PPM1H: variants seen among roughly 807,000 people sequenced by gnomAD.
The protein encoded by PPM1H is protein phosphatase 1H.
In PPM1H, 27 loss-of-function variants were observed where a neutral mutation model predicts 54.9. The observed-to-expected ratio is 0.49, with a 90% CI of 0.36 to 0.68. The LOEUF is 0.68. PPM1H is among the 30% of genes least tolerant of loss of function. The pLI, the probability that PPM1H is intolerant of heterozygous loss-of-function variation, is 0.00. For synonymous variants in PPM1H, 305 were observed against 270.8 expected (o/e 1.13, Z -1.24); for missense variants, 596 against 667.8 (o/e 0.89, Z 1.19).
At chr12:62,669,933 T>G (rs1392721409) in intron 8 of PPM1H, among the ~76,000 whole-genome samples, 3 of 140,192 alleles carry the variant, frequency 2.1e-5, no homozygotes, top group Non-Finnish European at 3.0e-5. Flanking sequence ...TGAGACCCAG[T>G]CTTTAAAAAA....
At chr12:62,778,457 C>T (rs2076623596) in intron 4 of PPM1H, among the ~76,000 whole-genome samples, 1 of 152,168 alleles carries the variant, frequency 6.6e-6, no homozygotes, top group South Asian at 2.1e-4. Context: ...AGTGCTCCTC[C>T]ACACTCTTGT....
At chr12:62,921,454 A>G (rs1871797524) in intron 1 of PPM1H, among the ~76,000 whole-genome samples, 1 of 152,170 alleles carries the variant, frequency 6.6e-6, no homozygotes. Flanking sequence ...TACACCATGC[A>G]TCCAGCAAGG....
chr12:62,903,867 A>G (rs1565824787), intron 1 of PPM1H, among the ~76,000 whole-genome samples: 1 of 152,200 alleles, frequency 6.6e-6, no homozygotes, highest in Non-Finnish European at 1.5e-5. Context: ...TGAGAAATAG[A>G]AAGGCAGCTG....
chr12:62,742,854 C>T (rs1378506011), intron 4 of PPM1H, among the ~76,000 whole-genome samples: 1 of 152,132 alleles, frequency 6.6e-6, no homozygotes. Context: ...CATTCCCATA[C>T]AGAGGGGATG....
chr12:62,921,389 C>T (rs1181896817), intron 1 of PPM1H, among the ~76,000 whole-genome samples: 2 of 152,090 alleles, frequency 1.3e-5, no homozygotes, highest in African/African-American at 2.4e-5. Context: ...CCACTTTGGT[C>T]CTCTCAGCTG....
rs754977710 is a variant in PPM1H at position 62,802,118 on chromosome 12, C to T, written c.454G>A (p.Gly152Arg). 4 of 1,590,206 alleles carry T rather than the reference C, an allele frequency of 2.5e-6. No individual in the cohort carries two copies. The highest frequency in any genetic ancestry group is 2.3e-5 in the South Asian group (2 of 87,854). ...ACCGCGGCCCCGGACCCCGCGTGCC[C>T]GTCAAACAGCGACCAATAGTGGCAG... ...VSCHYWSLFD[G>R]HAGSGAAVVA... Residue 152 changes from glycine to arginine, a missense_variant, in exon 3 of 10, where the codon GGG becomes AGG. By Grantham distance (125) the Gly-to-Arg change is moderately radical. Transcript: ENST00000228705.
intron 4 of PPM1H, among the ~76,000 whole-genome samples, chr12:62,781,760 G>A (rs961111396): frequency 1.3e-5 from 2 of 152,172 alleles, no homozygotes; most frequent in Non-Finnish European, 2.9e-5. Flanking sequence ...AGGGCCTCTC[G>A]GGTGCCCTCT....
At chr12:62,727,803 T>C (rs1011164658) in intron 5 of PPM1H, among the ~76,000 whole-genome samples, 2 of 151,590 alleles carry the variant, frequency 1.3e-5, no homozygotes, top group Admixed American at 1.3e-4. Flanking sequence ...TGGGACTACA[T>C]GCGTGCGCCA....
intron 6 of PPM1H, among the ~76,000 whole-genome samples, chr12:62,703,962 A>G (rs966296087): frequency 7.9e-6 from 1 of 127,082 alleles, no homozygotes; most frequent in Non-Finnish European, 1.6e-5. Context: ...CACTACATGA[A>G]AGAGAGAGAA....
intron 1 of PPM1H, among the ~76,000 whole-genome samples, chr12:62,836,402 G>T (rs1467426059): frequency 3.3e-5 from 5 of 152,284 alleles, no homozygotes; most frequent in African/African-American, 9.6e-5. Context: ...TCTCACATTT[G>T]TTGAGAACTA....
At chr12:62,693,910 T>C (rs749455985) in intron 7 of PPM1H, 26 bp downstream of exon 7, 2 of 1,601,486 alleles carry the variant, frequency 1.2e-6, no homozygotes, top group Admixed American at 3.4e-5. Flanking sequence ...CTGTCCTCTC[T>C]ACCCAGGGGA....
intron 4 of PPM1H, among the ~76,000 whole-genome samples, chr12:62,781,953 G>A (rs1271164790): frequency 6.6e-6 from 1 of 152,170 alleles, no homozygotes; most frequent in Admixed American, 6.5e-5. Flanking sequence ...GATGGGGAGG[G>A]GGCTCTGCAG....
intron 8 of PPM1H, among the ~76,000 whole-genome samples, chr12:62,670,410 G>A (rs74096889): frequency 6.6e-6 from 1 of 152,122 alleles, no homozygotes; most frequent in Non-Finnish European, 1.5e-5. Context: ...AGTTAAACAG[G>A]AGATTCCATT....
At chr12:62,786,610 C>T (rs989263312) in intron 4 of PPM1H, among the ~76,000 whole-genome samples, 1 of 152,212 alleles carries the variant, frequency 6.6e-6, no homozygotes, top group African/African-American at 2.4e-5. Flanking sequence ...ACAGCGTTTC[C>T]TTCCCTGGTT....
intron 4 of PPM1H, among the ~76,000 whole-genome samples, chr12:62,771,147 G>A (rs779902166): frequency 2.1e-4 from 30 of 146,306 alleles, no homozygotes; most frequent in Non-Finnish European, 3.3e-4. Context: ...GTTGAAAAAG[G>A]ACTTCTTCTG....
intron 1 of PPM1H, among the ~76,000 whole-genome samples, chr12:62,875,518 A>G (rs926463955): frequency 1.3e-5 from 2 of 152,238 alleles, no homozygotes; most frequent in African/African-American, 4.8e-5. Context: ...AATCATTCAG[A>G]CAACAAAATT....
At chr12:62,690,896 G>A (rs145025498) in intron 7 of PPM1H, among the ~76,000 whole-genome samples, 22 of 152,298 alleles carry the variant, frequency 1.4e-4, no homozygotes, top group African/African-American at 5.3e-4. Flanking sequence ...ACTTGAACCT[G>A]GAAGGTGGAG....
intron 4 of PPM1H, among the ~76,000 whole-genome samples, chr12:62,743,682 A>G (rs946270762): frequency 6.6e-6 from 1 of 151,826 alleles, no homozygotes; most frequent in African/African-American, 2.4e-5. Context: ...AGCAGGACTG[A>G]CATGTGCCAA....
At chr12:62,929,234 A>T (rs1872058486) in intron 1 of PPM1H, among the ~76,000 whole-genome samples, 1 of 152,212 alleles carries the variant, frequency 6.6e-6, no homozygotes, top group Non-Finnish European at 1.5e-5. Flanking sequence ...ATGTCTTATT[A>T]TATTATGAAT....
Sources: gnomAD v4.1 joint callset for allele counts (sites outside exome capture counted in the v4.1 genomes callset) on GRCh38, gnomAD v4.1.1 for gene constraint, MANE v1.5 for transcripts, NCBI Gene and HGNC (gene_info 2026-07-23, HGNC 2026-07-21) for gene names.